The following NECAP1 variants were observed in gnomAD, a reference collection of about 807,000 sequenced individuals.
NECAP1 encodes NECAP endocytosis associated 1, also known as adaptin ear-binding coat-associated protein 1.
NECAP1 carries 13 observed loss-of-function variants against 33.4 expected under a neutral mutation model. The ratio of observed to expected loss-of-function variants is 0.39; its 90% CI spans 0.25 to 0.62. The LOEUF (loss-of-function observed/expected upper bound fraction) is 0.62. Ranked by LOEUF, NECAP1 falls within the 20% of genes least tolerant of loss-of-function variation. The pLI, the probability that NECAP1 is intolerant of heterozygous loss-of-function variation, is 0.52. For missense variants in NECAP1, 272 were observed against 347.4 expected, an observed-to-expected ratio of 0.78 and a Z score of 1.73; for synonymous variants, 109 against 125.2, an observed-to-expected ratio of 0.87 and a Z score of 0.86.
chr12:8,085,305 A>G lies in NECAP1; in HGVS notation c.95+2922A>G, dbSNP rs560566192. On this transcript the variant is annotated intron_variant, in intron 1 of 7. Transcript: ENST00000339754. ...AGTGCTGGGATTACAGGCGTGAGCCACCGCACCCGGCCTACTTCAAGCTTT... is the reference window on the plus strand; with the variant it reads ...AGTGCTGGGATTACAGGCGTGAGCCGCCGCACCCGGCCTACTTCAAGCTTT... Among the ~76,000 whole-genome samples the G allele has an allele frequency of 6.3e-3, 962 of 152,336 alleles. 3 individuals are homozygous for G. Among genetic ancestry groups the G allele is most frequent in the Admixed American group, 0.011 (161 of 15,300 alleles).
At chr12:8,091,945 T>C (rs1947549674) in intron 4 of NECAP1, 95 bp downstream of exon 4, 1 of 1,099,454 alleles carries the variant, frequency 9.1e-7, no homozygotes, top group Non-Finnish European at 1.3e-6. Context: ...CCTGGTTTCT[T>C]TGTTTCTTAA....
chr12:8,088,446 C>T (rs1192556617), intron 1 of NECAP1, among the ~76,000 whole-genome samples: 1 of 152,164 alleles, frequency 6.6e-6, no homozygotes, highest in Non-Finnish European at 1.5e-5. Context: ...TCCTTCTCTT[C>T]TATCCCATAT....
intron 1 of NECAP1, among the ~76,000 whole-genome samples, chr12:8,085,697 T>C (rs1947482760): frequency 2.9e-5 from 4 of 138,218 alleles, no homozygotes; most frequent in African/African-American, 8.2e-5. Context: ...TTTTTTTTTT[T>C]TTTTTTTTTT....
In NECAP1 at chr12:8,085,023, A is replaced by T. The variant is rs777132331; in HGVS notation, c.95+2640A>T. On this transcript the variant is annotated intron_variant, in intron 1 of 7. Coordinates refer to ENST00000339754, the MANE Select transcript of NECAP1 (RefSeq NM_015509.4). The stretch of plus-strand genomic sequence containing the variant: ...AGTGGGATTATATTCTTTTTCTTGA[A>T]GTTTTTTTTTTTTTGAGATGGAGTC... 5.9e-4 allele frequency among the ~76,000 whole-genome samples: 90 copies of T among 151,542 alleles called. 1 individual carries two copies. The highest frequency in any genetic ancestry group is 1.9e-4 in the Non-Finnish European group (13 of 67,848).
chr12:8,091,465 G>T (rs1947543335), intron 3 of NECAP1: 1 of 362,120 alleles, frequency 2.8e-6, no homozygotes, highest in South Asian at 3.4e-5. Context: ...GACAGTGACA[G>T]ATCATCAGGC....
chr12:8,096,069 A>G lies in NECAP1; in HGVS notation c.807A>G (p.Pro269=), dbSNP rs765714142. Residue 269 remains proline, a synonymous_variant, in exon 8 of 8, where the codon CCA becomes CCG. Transcript: ENST00000339754. The part of the protein sequence containing the change: ...SSSVPNQAPQ[P]SNWVQF ...CTGTTCCAAACCAGGCACCACAGCC[A>G]TCCAACTGGGTCCAGTTCTGAATGG... 4.3e-6 allele frequency: 7 copies of G among 1,614,080 alleles called. No individual in the cohort carries two copies. Among genetic ancestry groups the G allele is most frequent in the African/African-American group, 1.3e-5 (1 of 74,944 alleles).
chr12:8,094,087 A>C (rs912486352), intron 6 of NECAP1, among the ~76,000 whole-genome samples: 3 of 152,230 alleles, frequency 2.0e-5, no homozygotes, highest in Non-Finnish European at 4.4e-5. Flanking sequence ...TGTATTGGAC[A>C]GTGCAGATAA....
intron 6 of NECAP1, among the ~76,000 whole-genome samples, chr12:8,094,389 A>C (rs1947575998): frequency 6.6e-6 from 1 of 152,154 alleles, no homozygotes; most frequent in Non-Finnish European, 1.5e-5. Flanking sequence ...CCACTTTCTC[A>C]TCTTACTCAG....
intron 6 of NECAP1, among the ~76,000 whole-genome samples, chr12:8,094,373 T>C (rs770204458): frequency 3.0e-4 from 46 of 152,350 alleles, no homozygotes; most frequent in Non-Finnish European, 6.3e-4. Flanking sequence ...AAAATTGATG[T>C]TGATACCACT....
At chr12:8,086,673 C>G (rs1209778994) in intron 1 of NECAP1, among the ~76,000 whole-genome samples, 1 of 151,284 alleles carries the variant, frequency 6.6e-6, no homozygotes, top group East Asian at 2.0e-4. Flanking sequence ...CGGTGGCTCA[C>G]TCCTGTAATC....
chr12:8,095,922 T>C lies in NECAP1; in HGVS notation c.780-120T>C. 4 of 1,314,666 alleles carry C rather than the reference T, an allele frequency of 3.0e-6. No homozygotes were observed. In the South Asian group the frequency reaches 4.0e-5, roughly 13 times the overall value. 81.4% of individuals were successfully genotyped at this position (1,314,666 alleles called of 1,614,324 possible). ...ATATTTCAGGCCTTTGTAAGTAGAA[T>C]TGCCATGAAGTGTGGTTTTGGAAAT... On this transcript the variant is annotated intron_variant, in intron 7 of 7. Transcript: ENST00000339754.
At chr12:8,085,315 G>T (rs1947478085) in intron 1 of NECAP1, among the ~76,000 whole-genome samples, 1 of 152,180 alleles carries the variant, frequency 6.6e-6, no homozygotes, top group African/African-American at 2.4e-5. Flanking sequence ...ACCGCACCCG[G>T]CCTACTTCAA....
chr12:8,097,807 T>C lies in NECAP1; in HGVS notation c.*1717T>C, dbSNP rs1057125138. On this transcript the variant is annotated 3_prime_UTR_variant, in exon 8 of 8. Transcript: ENST00000339754. ...CTTTTAATTTGCTTATTTGATTACC[T>C]TTTAAATTTAATTGACCAAATATAA... 1 of 152,642 alleles carries C rather than the reference T, an allele frequency of 6.6e-6. No homozygotes were observed. The highest frequency in any genetic ancestry group is 1.5e-5 in the Non-Finnish European group (1 of 68,042). 9.5% of individuals were successfully genotyped at this position (152,642 alleles called of 1,614,324 possible).
intron 1 of NECAP1, 135 bp downstream of exon 1, chr12:8,082,518 C>T (rs575633374): frequency 8.1e-6 from 6 of 742,230 alleles, no homozygotes; most frequent in Non-Finnish European, 1.4e-5. Flanking sequence ...CCTGGGTTGT[C>T]ATCTCCCTGA....
chr12:8,088,774 C>T (rs1026144309), intron 1 of NECAP1: 4 of 152,236 alleles, frequency 2.6e-5, no homozygotes, highest in Non-Finnish European at 5.9e-5. Context: ...CTTGTCTCTT[C>T]CTCTGTTCTA....
chr12:8,086,707 G>A (rs1026714075), intron 1 of NECAP1, among the ~76,000 whole-genome samples: 2 of 152,088 alleles, frequency 1.3e-5, no homozygotes, highest in African/African-American at 2.4e-5. Flanking sequence ...AGGCCAAGGC[G>A]GGCGGATTTC....
intron 1 of NECAP1, among the ~76,000 whole-genome samples, chr12:8,088,474 C>A (rs779903601): frequency 9.9e-5 from 15 of 152,278 alleles, no homozygotes; most frequent in African/African-American, 3.6e-4. Flanking sequence ...ATTAGAAAAT[C>A]CTGCTACTTT....
rs372339919 is a variant in NECAP1 at position 8,097,388 on chromosome 12, A to T, written c.*1298A>T. On this transcript the variant is annotated 3_prime_UTR_variant, in exon 8 of 8. Transcript: ENST00000339754. ...TGCTTCCTTTTTGCACCTATTGGGT[A>T]TGTACACTCTGGCCGAAGGGAGTCC... 1 of 152,668 alleles carries T rather than the reference A, an allele frequency of 6.6e-6. No individual in the cohort carries two copies. Among genetic ancestry groups the T allele is most frequent in the African/African-American group, 2.4e-5 (1 of 41,458 alleles). The allele number at this position is 152,668 out of a possible 1,614,324, so 9.5% of individuals were successfully genotyped here.
chr12:8,093,915 T>A (rs1947572524), intron 6 of NECAP1: 1 of 152,168 alleles, frequency 6.6e-6, no homozygotes, highest in South Asian at 2.1e-4. Context: ...AAAGAAGATA[T>A]CTAGGTTTGT....
Sources: gnomAD v4.1 joint callset for allele counts (sites outside exome capture counted in the v4.1 genomes callset) on GRCh38, gnomAD v4.1.1 for gene constraint, MANE v1.5 for transcripts, NCBI Gene and HGNC (gene_info 2026-07-23, HGNC 2026-07-21) for gene names.